RANBP2: variants seen among roughly 807,000 people sequenced by gnomAD.
The protein encoded by RANBP2 is E3 SUMO-protein ligase RanBP2.
RANBP2 carries 57 observed loss-of-function variants against 303.6 expected under a neutral mutation model. The ratio of observed to expected loss-of-function variants is 0.19; its 90% confidence interval spans 0.15 to 0.23. The LOEUF (loss-of-function observed/expected upper bound fraction) is 0.23, where lower values mean the gene tolerates loss of function less well. Ranked by LOEUF, RANBP2 falls within the 10% of genes least tolerant of loss-of-function variation. The pLI, the probability that RANBP2 is intolerant of heterozygous loss-of-function variation, is 1.00. For missense variants in RANBP2, 3,138 were observed against 3,780.8 expected (o/e 0.83, Z 4.46); for synonymous variants, 1,167 against 1,301.5 (o/e 0.90, Z 2.23).
At chr2:109,129,423 G>A in the RANBP2 span, 2 of 1,468,954 alleles carry the variant, frequency 1.4e-6, no homozygotes, top group Admixed American at 2.1e-5. Context: ...ACCAGCCGGG[G>A]TGAAGAAAGT....
the RANBP2 span, among the ~76,000 whole-genome samples, chr2:109,477,674 T>C: frequency 1.3e-5 from 2 of 151,988 alleles, no homozygotes; most frequent in Non-Finnish European, 1.5e-5. Context: ...AGGAGTGATT[T>C]CCCACAGTTT....
At chr2:108,739,169 G>A (rs551397726) in intron 6 of RANBP2, among the ~76,000 whole-genome samples, 5 of 152,060 alleles carry the variant, frequency 3.3e-5, no homozygotes, top group East Asian at 2.0e-4. Context: ...TTGGGAGGCC[G>A]AGGCGGGTGG....
chr2:109,614,083 G>A, the RANBP2 span: 12 of 1,211,380 alleles, frequency 9.9e-6, no homozygotes, highest in Non-Finnish European at 1.2e-5. Flanking sequence ...TACCCTCGAC[G>A]CCTGAGGACT....
the RANBP2 span, among the ~76,000 whole-genome samples, chr2:108,965,233 T>A: frequency 6.6e-6 from 1 of 152,054 alleles, no homozygotes; most frequent in African/African-American, 2.4e-5. Flanking sequence ...ATCCCAGCAC[T>A]TTGGGAGGCC....
the RANBP2 span, among the ~76,000 whole-genome samples, chr2:109,433,992 G>A: frequency 2.0e-5 from 3 of 152,104 alleles, no homozygotes; most frequent in Non-Finnish European, 2.9e-5. Flanking sequence ...CCCAGTGTGC[G>A]CAGCCCCGAA....
the RANBP2 span, among the ~76,000 whole-genome samples, chr2:108,943,828 G>A: frequency 6.6e-6 from 1 of 152,198 alleles, no homozygotes; most frequent in African/African-American, 2.4e-5. Context: ...CAGAGGGCTG[G>A]ATGCCAGCCC....
At chr2:108,780,066 T>G (rs577196787) in intron 25 of RANBP2, among the ~76,000 whole-genome samples, 1 of 152,214 alleles carries the variant, frequency 6.6e-6, no homozygotes, top group South Asian at 2.1e-4. Context: ...CCTTGTGTAG[T>G]TTAGTATTAG....
At chr2:109,599,217 G>GT in the RANBP2 span, among the ~76,000 whole-genome samples, 22 of 152,214 alleles carry the variant, frequency 1.4e-4, no homozygotes, top group Middle Eastern at 6.8e-3. Flanking sequence ...CAGCACTCTG[G>GT]GAGGCCAAGA....
the RANBP2 span, among the ~76,000 whole-genome samples, chr2:109,626,703 TCAA>T: frequency 6.6e-6 from 1 of 152,172 alleles, no homozygotes; most frequent in Non-Finnish European, 1.5e-5. Context: ...TTTCTTAGGC[TCAA>T]CAGGATGCTG....
the RANBP2 span, among the ~76,000 whole-genome samples, chr2:109,517,831 A>G: frequency 6.6e-6 from 1 of 152,250 alleles, no homozygotes; most frequent in Non-Finnish European, 1.5e-5. Flanking sequence ...CACAAGGACA[A>G]TGCCATCCCC....
chr2:108,795,274 C>T, the RANBP2 span, among the ~76,000 whole-genome samples: 1 of 149,790 alleles, frequency 6.7e-6, no homozygotes, highest in Non-Finnish European at 1.5e-5. Flanking sequence ...CCTGCCTCAG[C>T]CTCCTGAGTA....
At chr2:109,343,181 C>T in the RANBP2 span, among the ~76,000 whole-genome samples, 1 of 152,104 alleles carries the variant, frequency 6.6e-6, no homozygotes, top group Non-Finnish European at 1.5e-5. Context: ...TTTTCTCCCC[C>T]ATAATAGCAT....
chr2:108,788,766 TAGTATTATTTAGACTTATGGCC>T, downstream of RANBP2: 4 of 1,496,062 alleles, frequency 2.7e-6, no homozygotes, highest in South Asian at 5.3e-5. Context: ...ATTTTAAAAA[TAGTATTATTTAGACTTATGGCC>T]AGTGCCAGAT....
the RANBP2 span, among the ~76,000 whole-genome samples, chr2:109,057,769 G>A: frequency 2.6e-5 from 4 of 152,134 alleles, no homozygotes; most frequent in East Asian, 1.9e-4. Context: ...CCTTCGCCCC[G>A]CCCCGGGACA....
At chr2:109,055,366 C>CTTTTTTTTTTTTTTTT in the RANBP2 span, among the ~76,000 whole-genome samples, 2 of 133,458 alleles carry the variant, frequency 1.5e-5, no homozygotes, top group Non-Finnish European at 3.1e-5. Context: ...TTTTTCTTTT[C>CTTTTTTTTTTTTTTTT]TTTTTTTTTT....
At chr2:109,223,772 C>A in the RANBP2 span, among the ~76,000 whole-genome samples, 3 of 152,186 alleles carry the variant, frequency 2.0e-5, no homozygotes, top group African/African-American at 4.8e-5. Flanking sequence ...GCCATCCCTG[C>A]TAGTCTCTGC....
the RANBP2 span, among the ~76,000 whole-genome samples, chr2:108,942,711 T>A: frequency 2.6e-5 from 4 of 152,250 alleles, no homozygotes; most frequent in Non-Finnish European, 5.9e-5. Flanking sequence ...GCCTCTCCTT[T>A]TACCACGAAG....
chr2:109,517,403 T>C, the RANBP2 span, among the ~76,000 whole-genome samples: 2 of 152,214 alleles, frequency 1.3e-5, no homozygotes, highest in Non-Finnish European at 2.9e-5. Context: ...TGCAGGAGTC[T>C]CTGCTGGAAT....
the RANBP2 span, among the ~76,000 whole-genome samples, chr2:108,977,238 T>C: frequency 6.6e-6 from 1 of 152,256 alleles, no homozygotes; most frequent in East Asian, 1.9e-4. Flanking sequence ...CCGGGAGATC[T>C]GGTGGCCTCT....
Sources: allele counts gnomAD v4.1 joint callset (sites outside exome capture counted in the v4.1 genomes callset), GRCh38; gene constraint gnomAD v4.1.1; transcripts MANE v1.5; gene names NCBI Gene and HGNC (gene_info 2026-07-23, HGNC 2026-07-21).